Variants in DENND1A observed in about 807,000 individuals in gnomAD.
DENND1A encodes the protein DENN domain containing 1A.
In DENND1A, 51 loss-of-function variants were observed where a neutral mutation model predicts 113.7. The observed-to-expected ratio is 0.45, with a 90% CI of 0.36 to 0.57. The LOEUF is 0.57. Ranked by LOEUF, DENND1A falls within the 20% of genes least tolerant of loss-of-function variation. The pLI, the probability that DENND1A is intolerant of heterozygous loss-of-function variation, is 0.00. For synonymous variants in DENND1A, 565 were observed against 570.8 expected (o/e 0.99, Z 0.14); for missense variants, 1,258 against 1,395.9 (o/e 0.90, Z 1.57).
At position 123,799,726 on chromosome 9, in the gene DENND1A, G is replaced by T. The variant is rs143734184; in HGVS notation, c.89-7096C>A. On this transcript the variant is annotated intron_variant, in intron 2 of 23. Transcript: ENST00000394215. ...AAATGTCTTAACTGTTATAAATACC[G>T]AACAAATATTTGGAGTGTAATAGAA... 4.8e-3 allele frequency among the ~76,000 whole-genome samples: 733 copies of T among 152,160 alleles called. 2 individuals carry two copies. Among genetic ancestry groups the T allele is most frequent in the African/African-American group, 0.017 (718 of 41,512 alleles).
chr9:123,814,246 T>C (rs1319445631), intron 2 of DENND1A, among the ~76,000 whole-genome samples: 1 of 152,178 alleles, frequency 6.6e-6, no homozygotes, highest in African/African-American at 2.4e-5. Context: ...TTGTGATCAA[T>C]TCTATTATAA....
chr9:123,612,856 TAG>T (rs2060477737), intron 10 of DENND1A, among the ~76,000 whole-genome samples: 1 of 152,198 alleles, frequency 6.6e-6, no homozygotes, highest in Non-Finnish European at 1.5e-5. Flanking sequence ...AGGATTGTTG[TAG>T]AGATTAGAGA....
At chr9:123,814,233 TC>T (rs961139673) in intron 2 of DENND1A, among the ~76,000 whole-genome samples, 7 of 152,152 alleles carry the variant, frequency 4.6e-5, no homozygotes, top group African/African-American at 1.7e-4. Context: ...CCAAATAAAT[TC>T]ATTGTGATCA....
chr9:123,682,406 G>T (rs188039377), intron 5 of DENND1A, among the ~76,000 whole-genome samples: 26 of 152,240 alleles, frequency 1.7e-4, no homozygotes, highest in African/African-American at 5.3e-4. Context: ...TTGGTGACTT[G>T]CTACTGTCTG....
chr9:123,858,933 C>A (rs1844673912), intron 2 of DENND1A, among the ~76,000 whole-genome samples: 1 of 152,132 alleles, frequency 6.6e-6, no homozygotes, highest in South Asian at 2.1e-4. Context: ...TAATAGCATA[C>A]AAAAATGCAT....
rs2046850624 is a variant in DENND1A at position 123,440,503 on chromosome 9, A to G, written c.1357-12T>C. On this transcript the variant is annotated splice_polypyrimidine_tract_variant and intron_variant, in intron 18 of 23. Transcript: ENST00000394215. Reference sequence around the variant, plus strand: ...TTCTCGGCAATGTCCTGTAGGGAGAAGGATAGTCAGCGGTTGGCACTGGGG... The same window carrying G: ...TTCTCGGCAATGTCCTGTAGGGAGAGGGATAGTCAGCGGTTGGCACTGGGG... 6.5e-7 allele frequency: 1 copy of G among 1,544,022 alleles called. No individual in the cohort carries two copies. The highest frequency in any genetic ancestry group is 2.5e-5 in the East Asian group (1 of 39,316).
intron 1 of DENND1A, among the ~76,000 whole-genome samples, chr9:123,891,812 C>T (rs10818887): frequency 0.072 from 10,989 of 152,220 alleles, 620 homozygotes; most frequent in African/African-American, 0.16. Context: ...ATCCATCCAT[C>T]CTTCTCTCGA....
At position 123,383,719 on chromosome 9, in the gene DENND1A, T is replaced by C; in HGVS notation, c.1955A>G (p.Lys652Arg). The change falls in exon 23 of 24, where the codon AAG (lysine) becomes AGG (arginine). Residue 652 changes from lysine to arginine, a missense_variant. Physicochemically the swap from Lys to Arg is conservative, Grantham distance 26. Transcript: ENST00000394215. The part of the protein sequence containing the change: ...EAALQPLGQA[K>R]SLEDLRAPKD... ...GGGGGCACGAAGGTCCTCTAAGCTC[T>C]TGGCCTGGCCCAGTGGCTGCAGTGC... 1 of 1,614,182 alleles carries C rather than the reference T, an allele frequency of 6.2e-7. No homozygotes were observed. Among genetic ancestry groups the C allele is most frequent in the Non-Finnish European group, 8.5e-7 (1 of 1,180,026 alleles).
At chr9:123,614,318 C>CGCCAGTCCTCTTGGTTCCAG (rs2060546128) in intron 10 of DENND1A, among the ~76,000 whole-genome samples, 2 of 152,152 alleles carry the variant, frequency 1.3e-5, no homozygotes, top group African/African-American at 4.8e-5. Context: ...AAGGGCTATT[C>CGCCAGTCCTCTTGGTTCCAG]GCCAGTCCTC....
intron 22 of DENND1A, among the ~76,000 whole-genome samples, chr9:123,385,272 C>A (rs113183831): frequency 2.6e-5 from 4 of 152,324 alleles, no homozygotes; most frequent in African/African-American, 9.6e-5. Flanking sequence ...TCAAGCAATT[C>A]TCTTGCCTTA....
At chr9:123,656,794 T>G (rs1564896752) in intron 8 of DENND1A, among the ~76,000 whole-genome samples, 1 of 152,248 alleles carries the variant, frequency 6.6e-6, no homozygotes, top group Non-Finnish European at 1.5e-5. Context: ...TACTTCTCTG[T>G]GTGACTCACC....
intron 1 of DENND1A, among the ~76,000 whole-genome samples, chr9:123,883,236 T>C (rs1218939686): frequency 1.3e-5 from 2 of 152,216 alleles, no homozygotes; most frequent in East Asian, 3.8e-4. Flanking sequence ...CTCCTTTCTC[T>C]AAATGTAAGC....
chr9:123,519,418 G>A (rs2054207568), intron 13 of DENND1A, among the ~76,000 whole-genome samples: 1 of 150,144 alleles, frequency 6.7e-6, no homozygotes, highest in Admixed American at 6.8e-5. Flanking sequence ...CCCCAGAGCT[G>A]GGCTGGGTCC....
At chr9:123,433,731 A>G (rs2046310878) in intron 19 of DENND1A, among the ~76,000 whole-genome samples, 1 of 152,248 alleles carries the variant, frequency 6.6e-6, no homozygotes, top group South Asian at 2.1e-4. Flanking sequence ...CATGTATCCT[A>G]GTCTCTTTCA....
chr9:123,415,803 C>G (rs2044679242), intron 19 of DENND1A, among the ~76,000 whole-genome samples: 1 of 152,176 alleles, frequency 6.6e-6, no homozygotes, highest in Non-Finnish European at 1.5e-5. Flanking sequence ...AGTGGACACG[C>G]TGCTGGGGAG....
intron 21 of DENND1A, chr9:123,400,170 C>A (rs770964715): frequency 1.3e-5 from 2 of 152,204 alleles, no homozygotes; most frequent in African/African-American, 2.4e-5. Flanking sequence ...ATGTTTCCCC[C>A]ACAAATCTTC....
chr9:123,638,802 G>A (rs2061854883), intron 9 of DENND1A, among the ~76,000 whole-genome samples: 1 of 151,944 alleles, frequency 6.6e-6, no homozygotes, highest in South Asian at 2.1e-4. Flanking sequence ...GGGCACTCAA[G>A]AAGAAATCGA....
intron 5 of DENND1A, among the ~76,000 whole-genome samples, chr9:123,745,072 G>A (rs2069375545): frequency 6.6e-6 from 1 of 152,064 alleles, no homozygotes; most frequent in South Asian, 2.1e-4. Context: ...CACCGTGCCT[G>A]GCCTACTTAT....
Position 123,634,310 on chromosome 9 carries a change from C to T in DENND1A, c.619-3834G>A, listed in dbSNP as rs960828499. On this transcript the variant is annotated intron_variant, in intron 9 of 23. Transcript: ENST00000394215. ...AAATTTCTGCAATCGGGGTAAAATGCATTACTCATTTGATTAAGAAAACAA... is the reference window on the plus strand; with the variant it reads ...AAATTTCTGCAATCGGGGTAAAATGTATTACTCATTTGATTAAGAAAACAA... 3.9e-5 allele frequency among the ~76,000 whole-genome samples: 6 copies of T among 152,172 alleles called. No homozygotes were observed. The South Asian group carries it at 1.2e-3, about 32-fold the overall frequency.
Sources: gnomAD v4.1 joint callset for allele counts (sites outside exome capture counted in the v4.1 genomes callset) on GRCh38, gnomAD v4.1.1 for gene constraint, MANE v1.5 for transcripts, NCBI Gene and HGNC (gene_info 2026-07-23, HGNC 2026-07-21) for gene names.